Variants in BAZ1A observed in about 807,000 individuals in gnomAD.
The protein encoded by BAZ1A is bromodomain adjacent to zinc finger domain 1A, also known as bromodomain adjacent to zinc finger domain protein 1A.
Under a neutral mutation model 185.2 loss-of-function variants are expected in BAZ1A, and 50 were observed. That is an observed-to-expected ratio of 0.27 (90% CI 0.22 to 0.34). The LOEUF (loss-of-function observed/expected upper bound fraction) is 0.34. Among genes scored for constraint, BAZ1A ranks in the 10% least tolerant of loss-of-function variants. BAZ1A has a pLI of 1.00. For synonymous variants in BAZ1A, 571 were observed against 615.6 expected, an observed-to-expected ratio of 0.93 and a Z score of 1.07; for missense variants, 1,356 against 1,839.9, an observed-to-expected ratio of 0.74 and a Z score of 4.81.
chr14:34,859,872 A>G (rs1408641672), intron 3 of BAZ1A, among the ~76,000 whole-genome samples: 1 of 152,154 alleles, frequency 6.6e-6, no homozygotes, highest in African/African-American at 2.4e-5. Context: ...GGAGGAGTTG[A>G]GGAGTTGGGG....
At chr14:34,791,470 G>A (rs1880843524) in intron 12 of BAZ1A, among the ~76,000 whole-genome samples, 1 of 152,178 alleles carries the variant, frequency 6.6e-6, no homozygotes, top group Non-Finnish European at 1.5e-5. Flanking sequence ...AGGGACCTAT[G>A]GTGGTTAGCA....
chr14:34,801,889 G>A lies in BAZ1A; in HGVS notation c.862-696C>T, dbSNP rs533127067. Among the ~76,000 whole-genome samples, 172 of 139,872 alleles carry A rather than the reference G, an allele frequency of 1.2e-3. 2 individuals carry two copies. Among genetic ancestry groups the A allele is most frequent in the African/African-American group, 4.6e-3 (169 of 36,934 alleles). 91.8% of individuals were successfully genotyped at this position (139,872 alleles called of 152,430 possible). A position where few individuals can be genotyped will look rare whatever the true frequency, so the allele number is the denominator to read the frequency against. ...CCACTGCACTCCAGCATGGGTGACAGAGTGAGACTCCATCTCAAAAAAAAA... is the reference window on the plus strand; with the variant it reads ...CCACTGCACTCCAGCATGGGTGACAAAGTGAGACTCCATCTCAAAAAAAAA... On this transcript the variant is annotated intron_variant, in intron 7 of 26. Transcript: ENST00000360310.
chr14:34,813,912 C>T (rs2041967051), intron 4 of BAZ1A, among the ~76,000 whole-genome samples: 1 of 151,190 alleles, frequency 6.6e-6, no homozygotes, highest in Non-Finnish European at 1.5e-5. Flanking sequence ...CCTTGGTGGC[C>T]TGCGCCTGTA....
chr14:34,805,656 T>TATC (rs1231723498), intron 6 of BAZ1A, among the ~76,000 whole-genome samples: 25 of 152,354 alleles, frequency 1.6e-4, no homozygotes, highest in Non-Finnish European at 2.9e-4. Flanking sequence ...AATTGAATCT[T>TATC]ATCAAGGCAG....
chr14:34,771,728 T>G (rs1035825060), intron 20 of BAZ1A, 69 bp from the exon 21 acceptor site: 2 of 1,424,900 alleles, frequency 1.4e-6, no homozygotes, highest in Non-Finnish European at 9.7e-7. Context: ...AGTCCATTCA[T>G]TGGTTCAAAT....
chr14:34,781,329 G>A (rs1487695414), intron 16 of BAZ1A, among the ~76,000 whole-genome samples: 3 of 152,088 alleles, frequency 2.0e-5, no homozygotes, highest in African/African-American at 7.2e-5. Flanking sequence ...TATTCACAAG[G>A]TTATGCAATC....
intron 4 of BAZ1A, among the ~76,000 whole-genome samples, chr14:34,811,510 G>A (rs781642111): frequency 3.3e-5 from 5 of 151,744 alleles, no homozygotes; most frequent in African/African-American, 4.8e-5. Context: ...ACCCAGGCTG[G>A]AGTGCAATGG....
In BAZ1A at chr14:34,772,217, G is replaced by A. The variant is rs530730818; in HGVS notation, c.3153-558C>T. The stretch of plus-strand genomic sequence containing the variant: ...GATTCACCTGTCTCAGCCTCCCAAA[G>A]TGCTGGGATTACAGGTGTCAGCCAC... On this transcript the variant is annotated intron_variant, in intron 20 of 26. Transcript: ENST00000360310. 1.4e-4 allele frequency among the ~76,000 whole-genome samples: 22 copies of A among 152,260 alleles called. No homozygotes were observed. The Middle Eastern group carries it at 0.01, about 71-fold the overall frequency.
chr14:34,801,610 A>G (rs1002268578), intron 7 of BAZ1A, among the ~76,000 whole-genome samples: 3 of 152,154 alleles, frequency 2.0e-5, no homozygotes, highest in African/African-American at 7.2e-5. Flanking sequence ...ATGAGTTTTT[A>G]TTCTAAAGTA....
At chr14:34,773,876 G>A in intron 19 of BAZ1A, 150 bp from the exon 20 acceptor site, 2 of 769,012 alleles carry the variant, frequency 2.6e-6, no homozygotes, top group Non-Finnish European at 4.1e-6. Flanking sequence ...GTTACTAAGT[G>A]GCCAAACTGG....
chr14:34,755,811 CT>C (rs768269206), intron 25 of BAZ1A, among the ~76,000 whole-genome samples: 410 of 138,658 alleles, frequency 3.0e-3, no homozygotes, highest in East Asian at 5.6e-3. Flanking sequence ...TAATACCTAT[CT>C]TTTTTTTTTT....
chr14:34,780,133 T>A lies in BAZ1A; in HGVS notation c.2236+53A>T, dbSNP rs1193710600. Reference sequence around the variant, plus strand: ...AGAGGAGCTGAATTAATAAAGTGCTTTATTGGTTAAAAACAAATACACAAG... The same window carrying A: ...AGAGGAGCTGAATTAATAAAGTGCTATATTGGTTAAAAACAAATACACAAG... On this transcript the variant is annotated intron_variant, in intron 17 of 26. Coordinates refer to ENST00000360310, the MANE Select transcript of BAZ1A (RefSeq NM_013448.3). The A allele has an allele frequency of 1.9e-6, 3 of 1,600,476 alleles. No homozygotes were observed. In the East Asian group the frequency reaches 6.7e-5, roughly 36 times the overall value.
chr14:34,782,437 TTTC>T (rs745830956), intron 16 of BAZ1A, among the ~76,000 whole-genome samples: 108 of 152,304 alleles, frequency 7.1e-4, no homozygotes, highest in Non-Finnish European at 7.2e-4. Flanking sequence ...CTTTTAATTA[TTTC>T]TTCTTTATTT....
At chr14:34,852,492 G>A (rs547108653) in intron 3 of BAZ1A, among the ~76,000 whole-genome samples, 2 of 152,142 alleles carry the variant, frequency 1.3e-5, no homozygotes, top group Non-Finnish European at 2.9e-5. Context: ...TGGCACGCAC[G>A]CCCGTATTCC....
chr14:34,810,723 G>GT (rs1227578502), intron 5 of BAZ1A, among the ~76,000 whole-genome samples: 7 of 152,008 alleles, frequency 4.6e-5, no homozygotes, highest in Admixed American at 2.0e-4. Context: ...GCCTGTCAAA[G>GT]TGCTAGGATT....
intron 23 of BAZ1A, among the ~76,000 whole-genome samples, chr14:34,764,049 A>G (rs1356305971): frequency 1.3e-5 from 2 of 152,094 alleles, no homozygotes; most frequent in African/African-American, 4.8e-5. Context: ...CAGGCTCCAC[A>G]CTCATTCGCT....
chr14:34,869,643 A>G (rs1224161177), intron 2 of BAZ1A, among the ~76,000 whole-genome samples: 1 of 152,232 alleles, frequency 6.6e-6, no homozygotes, highest in South Asian at 2.1e-4. Flanking sequence ...GTGAACACAC[A>G]AAATCCAATC....
At chr14:34,786,797 G>A (rs934529009) in intron 12 of BAZ1A, among the ~76,000 whole-genome samples, 2 of 151,402 alleles carry the variant, frequency 1.3e-5, no homozygotes, top group South Asian at 2.1e-4. Flanking sequence ...TAGTAGAGAC[G>A]GGTTTTCACC....
chr14:34,780,723 T>C (rs1397726748), intron 16 of BAZ1A, among the ~76,000 whole-genome samples: 1 of 152,084 alleles, frequency 6.6e-6, no homozygotes, highest in Admixed American at 6.6e-5. Context: ...AAAGCAGTAA[T>C]CCAAGAGGTA....
Sources: gnomAD v4.1 joint callset for allele counts (sites outside exome capture counted in the v4.1 genomes callset) on GRCh38, gnomAD v4.1.1 for gene constraint, MANE v1.5 for transcripts, NCBI Gene and HGNC (gene_info 2026-07-23, HGNC 2026-07-21) for gene names.